PDE4DIP: variants seen among roughly 807,000 people sequenced by gnomAD.
PDE4DIP encodes the protein phosphodiesterase 4D interacting protein.
In PDE4DIP, 59 loss-of-function variants were observed where a neutral mutation model predicts 221.4. That is an observed-to-expected ratio of 0.27 (90% CI 0.22 to 0.33). The LOEUF is 0.33. PDE4DIP is among the 10% of genes least tolerant of loss of function. The pLI is 1.00. For synonymous variants in PDE4DIP, 404 were observed against 815.9 expected (o/e 0.50, Z 8.60); for missense variants, 1,036 against 2,154.2 (o/e 0.48, Z 10.28).
chr1:148,949,263 T>C (rs1441922621), intron 5 of PDE4DIP, among the ~76,000 whole-genome samples: 1 of 150,278 alleles, frequency 6.7e-6, no homozygotes, highest in Admixed American at 6.6e-5. Flanking sequence ...AAAAAGAAAA[T>C]AAATGTCCAT....
At chr1:149,013,275 G>A (rs1261165497) in intron 32 of PDE4DIP, among the ~76,000 whole-genome samples, 3 of 146,166 alleles carry the variant, frequency 2.1e-5, no homozygotes, top group Non-Finnish European at 4.5e-5. Flanking sequence ...TTCAGAAGAG[G>A]AAATGATGAG....
intron 1 of PDE4DIP, among the ~76,000 whole-genome samples, chr1:148,920,123 T>A (rs1340074297): frequency 4.6e-5 from 6 of 131,470 alleles, no homozygotes; most frequent in East Asian, 4.5e-4. Context: ...CTATTTATTT[T>A]TTTTTTGGTT....
At chr1:148,987,430 G>T (rs1553551147) in intron 21 of PDE4DIP, among the ~76,000 whole-genome samples, 1 of 152,160 alleles carries the variant, frequency 6.6e-6, no homozygotes, top group Non-Finnish European at 1.5e-5. Flanking sequence ...GTCAGCAATA[G>T]TTGGTTCATG....
At chr1:148,981,434 A>T (rs781938571) in intron 21 of PDE4DIP, 37 bp downstream of exon 24, 8 of 1,613,280 alleles carry the variant, frequency 5.0e-6, no homozygotes, top group East Asian at 2.2e-5. Flanking sequence ...CATCACAAGC[A>T]TGCCTACTGA....
chr1:148,999,861 C>A (rs2065200484), intron 23 of PDE4DIP, among the ~76,000 whole-genome samples: 1 of 151,996 alleles, frequency 6.6e-6, no homozygotes, highest in African/African-American at 2.4e-5. Context: ...AAGGTAGAAT[C>A]TAATGCATTG....
chr1:149,032,873 T>C (rs1553640468), exon 44 of PDE4DIP: 2 of 208,302 alleles, frequency 9.6e-6, no homozygotes, highest in Non-Finnish European at 9.8e-6. Flanking sequence ...TGTATAAATA[T>C]ATGATATAGA....
chr1:149,030,328 A>G (rs782436484), intron 43 of PDE4DIP, 50 bp downstream of exon 46: 70 of 1,551,546 alleles, frequency 4.5e-5, no homozygotes, highest in Non-Finnish European at 5.9e-5. Context: ...TCCCCCACCC[A>G]TCACCATCCG....
chr1:148,880,058 GATA>G (rs1693118739), intron 3 of PDE4DIP, among the ~76,000 whole-genome samples: 1 of 108,036 alleles, frequency 9.3e-6, no homozygotes, highest in African/African-American at 4.9e-5. Flanking sequence ...TGATGATGAA[GATA>G]ACATCTGGTT....
chr1:148,990,316 A>C (rs1235533068), intron 21 of PDE4DIP: 11 of 985,060 alleles, frequency 1.1e-5, no homozygotes, highest in Non-Finnish European at 1.2e-5. Context: ...AAGGGGAAGA[A>C]ACAAAACCCC....
chr1:148,823,460 C>T (rs1553362778), intron 1 of PDE4DIP, among the ~76,000 whole-genome samples: 1 of 148,748 alleles, frequency 6.7e-6, no homozygotes, highest in East Asian at 1.9e-4. Flanking sequence ...GGGTTCACTG[C>T]CCAGAATAAT....
intron 1 of PDE4DIP, among the ~76,000 whole-genome samples, chr1:148,906,775 TATAAGA>T (rs2041919616): frequency 1.6e-5 from 2 of 127,084 alleles, no homozygotes; most frequent in African/African-American, 6.5e-5. Context: ...TTTTGTCTGA[TATAAGA>T]ATAACTACTG....
chr1:148,981,585 A>T, intron 21 of PDE4DIP, 188 bp downstream of exon 24: 5 of 634,554 alleles, frequency 7.9e-6, no homozygotes, highest in Non-Finnish European at 1.4e-5. Flanking sequence ...ACAAAGTGAA[A>T]CTCACTTTAG....
At chr1:148,934,672 C>T (rs587711932) in intron 4 of PDE4DIP, among the ~76,000 whole-genome samples, 6 of 152,144 alleles carry the variant, frequency 3.9e-5, no homozygotes, top group Admixed American at 3.3e-4. Context: ...GGCAAGATCT[C>T]GGCTCACTGC....
At chr1:148,859,523 A>G (rs1553398488) in intron 1 of PDE4DIP, among the ~76,000 whole-genome samples, 1 of 152,140 alleles carries the variant, frequency 6.6e-6, no homozygotes, top group East Asian at 1.9e-4. Context: ...AGGGAGAAAG[A>G]CAAGGTAAGA....
intron 21 of PDE4DIP, 106 bp downstream of exon 24, chr1:148,981,503 G>C: frequency 7.3e-7 from 1 of 1,376,698 alleles, no homozygotes; most frequent in Non-Finnish European, 1.0e-6. Flanking sequence ...TAACCAGAAA[G>C]ATCCTTGTCT....
At chr1:148,893,284 C>T (rs1302023409) in intron 1 of PDE4DIP, among the ~76,000 whole-genome samples, 10 of 123,862 alleles carry the variant, frequency 8.1e-5, no homozygotes, top group Non-Finnish European at 9.8e-5. Flanking sequence ...ACGAGGGATT[C>T]GGAAAACACT....
chr1:148,818,007 G>A (rs1571285062), intron 1 of PDE4DIP, among the ~76,000 whole-genome samples: 1 of 148,834 alleles, frequency 6.7e-6, no homozygotes, highest in Non-Finnish European at 1.5e-5. Context: ...ATTAGAGATG[G>A]GGTTTCACCA....
chr1:148,981,173 T>C (rs2061012685), intron 20 of PDE4DIP, 97 bp from the exon 24 acceptor site: 1 of 1,070,650 alleles, frequency 9.3e-7, no homozygotes, highest in Non-Finnish European at 1.4e-6. Flanking sequence ...CAAAGTCGTG[T>C]GGCTCAAAGT....
chr1:148,953,801 T>G (rs2054335832), intron 5 of PDE4DIP: 2 of 1,457,956 alleles, frequency 1.4e-6, no homozygotes, highest in Non-Finnish European at 1.9e-6. Context: ...TAACAGGTCT[T>G]TGAAACCCCT....
Sources: allele counts gnomAD v4.1 joint callset (sites outside exome capture counted in the v4.1 genomes callset), GRCh38; gene constraint gnomAD v4.1.1; transcripts MANE v1.5; gene names NCBI Gene and HGNC (gene_info 2026-07-23, HGNC 2026-07-21).